MPPED1: variants seen among roughly 807,000 people sequenced by gnomAD.
MPPED1 encodes metallophosphoesterase domain-containing protein 1.
A neutral mutation model predicts 36.2 loss-of-function variants in MPPED1; 16 were observed. The ratio of observed to expected loss-of-function variants is 0.44; its 90% CI spans 0.30 to 0.67. The LOEUF (loss-of-function observed/expected upper bound fraction) is 0.67, where lower values mean the gene tolerates loss of function less well. Ranked by LOEUF, MPPED1 falls within the 30% of genes least tolerant of loss-of-function variation. The pLI is 0.10. For synonymous variants in MPPED1, 199 were observed against 191.3 expected (o/e 1.04, Z -0.33); for missense variants, 307 against 453.4 (o/e 0.68, Z 2.93).
rs183650534 is a variant in MPPED1, at chr22:43,444,476, C to A, written c.406+9261C>A. Among the ~76,000 whole-genome samples, 763 of 150,970 alleles carry A rather than the reference C, an allele frequency of 5.1e-3. 14 individuals carry two copies. The highest frequency in any genetic ancestry group is 0.018 in the African/African-American group (721 of 41,118). On this transcript the variant is annotated intron_variant, in intron 3 of 6. Transcript: ENST00000443721. Reference sequence around the variant, plus strand: ...CCCCCTCCCGGGTTCAAATGATTCTCCTGCCTCAGCCTCCCGAGTAGCTGG... The same window carrying A: ...CCCCCTCCCGGGTTCAAATGATTCTACTGCCTCAGCCTCCCGAGTAGCTGG...
intron 3 of MPPED1, among the ~76,000 whole-genome samples, chr22:43,451,024 C>CTTT (rs34974443): frequency 1.2e-4 from 16 of 132,776 alleles, no homozygotes; most frequent in Admixed American, 2.3e-4. Flanking sequence ...CTGCATCTGG[C>CTTT]TTTTTTTTTT....
intron 4 of MPPED1, among the ~76,000 whole-genome samples, chr22:43,483,462 G>T (rs1377307234): frequency 6.6e-6 from 1 of 152,260 alleles, no homozygotes; most frequent in Admixed American, 6.5e-5. Context: ...CCCAGGTGTC[G>T]GTTTGGACTG....
In MPPED1 at chr22:43,447,883, ATT is replaced by A. The variant is rs776108565; in HGVS notation, c.406+12681_406+12682del. Among the ~76,000 whole-genome samples, 364 of 67,666 alleles carry A rather than the reference ATT, an allele frequency of 5.4e-3. 9 individuals are homozygous for A. The highest frequency in any genetic ancestry group is 0.021 in the African/African-American group (317 of 14,904). The allele number at this position is 67,666 out of a possible 152,430, so 44.4% of individuals were successfully genotyped here. A position where few individuals can be genotyped will look rare whatever the true frequency, so the allele number is the denominator to read the frequency against. On this transcript the variant is annotated intron_variant, in intron 3 of 6. Coordinates refer to ENST00000443721, the MANE Select transcript of MPPED1 (RefSeq NM_001044370.2). The stretch of plus-strand genomic sequence containing the variant: ...ATTATATATATATATATATATATAT[ATT>A]TTTTTTTTTTTTAGACAAAGTCTCG...
At chr22:43,431,021 ATTTTTTTTTTTTTTTTTTTTT>A (rs135076) in intron 2 of MPPED1, among the ~76,000 whole-genome samples, 7 of 42,278 alleles carry the variant, frequency 1.7e-4, no homozygotes, top group East Asian at 7.3e-4. Context: ...GTTGTTGTTA[ATTTTTTTTTTTTTTTTTTTTT>A]TTTTTTTTTT....
intron 5 of MPPED1, among the ~76,000 whole-genome samples, chr22:43,500,557 CTG>C: frequency 6.6e-6 from 1 of 151,844 alleles, no homozygotes; most frequent in East Asian, 1.9e-4. Flanking sequence ...TGCCACCCCT[CTG>C]TGACCCTCTG....
chr22:43,432,590 A>G (rs1418019111), intron 2 of MPPED1, among the ~76,000 whole-genome samples: 15 of 35,146 alleles, frequency 4.3e-4, no homozygotes, highest in South Asian at 1.4e-3. Flanking sequence ...AGAGGGAAAG[A>G]GGGAGGAGAG....
intron 4 of MPPED1, among the ~76,000 whole-genome samples, chr22:43,485,050 C>T (rs1229232379): frequency 6.6e-6 from 1 of 152,100 alleles, no homozygotes; most frequent in African/African-American, 2.4e-5. Flanking sequence ...TTCACATACA[C>T]ACACATTCAT....
At chr22:43,472,185 T>C (rs73167971) in intron 3 of MPPED1, among the ~76,000 whole-genome samples, 5,994 of 152,284 alleles carry the variant, frequency 0.039, 137 homozygotes, top group South Asian at 0.073. Flanking sequence ...AAAACAGAAG[T>C]AATGAAATGT....
Position 43,507,743 on chromosome 22 carries a change from T to G in MPPED1, c.*2127T>G, listed in dbSNP as rs547588745. 1 of 152,062 alleles carries G rather than the reference T, an allele frequency of 6.6e-6. No homozygotes were observed. The highest frequency in any genetic ancestry group is 1.5e-5 in the Non-Finnish European group (1 of 68,024). The allele number at this position is 152,062 out of a possible 1,614,324, so 9.4% of individuals were successfully genotyped here. ...ATTAAAAGTCCTCGAGGTATGAAGATGACGGCGTGCTTCTCAATCATTTTG... is the reference window on the plus strand; with the variant it reads ...ATTAAAAGTCCTCGAGGTATGAAGAGGACGGCGTGCTTCTCAATCATTTTG... On this transcript the variant is annotated 3_prime_UTR_variant, in exon 7 of 7. Coordinates refer to ENST00000443721, the MANE Select transcript of MPPED1 (RefSeq NM_001044370.2).
intron 1 of MPPED1, among the ~76,000 whole-genome samples, chr22:43,412,388 G>T (rs1928933335): frequency 6.6e-6 from 1 of 152,048 alleles, no homozygotes; most frequent in Non-Finnish European, 1.5e-5. Context: ...GCGGGACTCC[G>T]GCTGGGGCCG....
chr22:43,494,183 G>A (rs547894183), intron 4 of MPPED1, among the ~76,000 whole-genome samples: 71 of 152,204 alleles, frequency 4.7e-4, no homozygotes, highest in African/African-American at 1.6e-3. Context: ...CTACAGGTGC[G>A]CGCCATCATG....
In MPPED1 at chr22:43,471,682, A is replaced by C. The variant is rs1931382217; in HGVS notation, c.407-3054A>C. Among the ~76,000 whole-genome samples the C allele has an allele frequency of 2.0e-5, 3 of 152,140 alleles. No homozygotes were observed. In the East Asian group the frequency reaches 5.8e-4, roughly 29 times the overall value. On this transcript the variant is annotated intron_variant, in intron 3 of 6. Transcript: ENST00000443721. Reference sequence around the variant, plus strand: ...CCTCTTCCCTCCTCTCCGCAGCCTGAGCCTCACTGGAGAGGGCTTCTCTGT... The same window carrying C: ...CCTCTTCCCTCCTCTCCGCAGCCTGCGCCTCACTGGAGAGGGCTTCTCTGT...
chr22:43,430,984 C>A (rs570433574), intron 2 of MPPED1, among the ~76,000 whole-genome samples: 2 of 142,248 alleles, frequency 1.4e-5, no homozygotes, highest in South Asian at 4.5e-4. Context: ...TCAAATTATG[C>A]CCTCTTGTTC....
chr22:43,475,277 G>A (rs1408510550), intron 4 of MPPED1, among the ~76,000 whole-genome samples: 1 of 152,066 alleles, frequency 6.6e-6, no homozygotes, highest in Non-Finnish European at 1.5e-5. Flanking sequence ...TGAGGACCTT[G>A]CCAAAGGTCA....
chr22:43,442,261 T>C (rs560026275), intron 3 of MPPED1, among the ~76,000 whole-genome samples: 1 of 152,068 alleles, frequency 6.6e-6, no homozygotes, highest in South Asian at 2.1e-4. Flanking sequence ...AAGTCCCTGC[T>C]TTTGTTTCTT....
intron 1 of MPPED1, among the ~76,000 whole-genome samples, chr22:43,421,155 G>A (rs867103722): frequency 1.3e-5 from 2 of 152,236 alleles, no homozygotes; most frequent in Non-Finnish European, 2.9e-5. Context: ...GGGTGTAAAC[G>A]CTTCCTAGCT....
At chr22:43,463,807 T>TTTTCTTTCTTTCTTTTTTTTTTTTTTTC (rs1491212045) in intron 3 of MPPED1, among the ~76,000 whole-genome samples, 5 of 113,004 alleles carry the variant, frequency 4.4e-5, no homozygotes, top group Admixed American at 9.1e-5. Flanking sequence ...TCATTTTTTC[T>TTTTCTTTCTTTCTTTTTTTTTTTTTTTC]TTTCTTTCTT....
chr22:43,422,393 G>A (rs1016280904), intron 1 of MPPED1, among the ~76,000 whole-genome samples: 1 of 152,184 alleles, frequency 6.6e-6, no homozygotes, highest in Non-Finnish European at 1.5e-5. Context: ...CCTGTGAGCT[G>A]TAGGCCTCCA....
chr22:43,504,861 T>C (rs1200974513), intron 6 of MPPED1, among the ~76,000 whole-genome samples: 1 of 150,586 alleles, frequency 6.6e-6, no homozygotes, highest in African/African-American at 2.5e-5. Context: ...GTGAAGATGA[T>C]GATGATGGTG....
Sources: gnomAD v4.1 joint callset for allele counts (sites outside exome capture counted in the v4.1 genomes callset) on GRCh38, gnomAD v4.1.1 for gene constraint, MANE v1.5 for transcripts, NCBI Gene and HGNC (gene_info 2026-07-23, HGNC 2026-07-21) for gene names.